Variants in DMD observed in about 807,000 individuals in gnomAD.
The protein encoded by DMD is dystrophin.
A neutral mutation model predicts 330.1 loss-of-function variants in DMD; 63 were observed. The observed-to-expected ratio is 0.19, with a 90% CI of 0.16 to 0.24. The LOEUF (loss-of-function observed/expected upper bound fraction) is 0.24. Ranked by LOEUF, DMD falls within the 10% of genes least tolerant of loss-of-function variation. The pLI is 1.00. For missense variants in DMD, 3,344 were observed against 2,684.1 expected (o/e 1.25, Z -5.43); for synonymous variants, 1,223 against 959.8 (o/e 1.27, Z -5.07).
chrX:31,146,131 T>G (rs2036663235), intron 76 of DMD, among the ~76,000 whole-genome samples, 160 bp downstream of exon 76: 1 of 112,881 alleles, frequency 8.9e-6, no homozygotes, highest in Non-Finnish European at 1.9e-5. Context: ...ATACACCTTT[T>G]TAGAATTTTC....
intron 55 of DMD, among the ~76,000 whole-genome samples, chrX:31,566,121 C>G (rs6527103): frequency 0.18 from 20,302 of 111,000 alleles, 1,765 homozygotes; most frequent in African/African-American, 0.31. Context: ...AATCTTGATG[C>G]AGTCCAACTG....
chrX:31,653,421 G>C (rs1023308279), intron 54 of DMD, among the ~76,000 whole-genome samples: 8 of 110,870 alleles, frequency 7.2e-5, no homozygotes, highest in Non-Finnish European at 1.5e-4. Context: ...TTAGAACCTA[G>C]AGGGATTTTT....
At chrX:32,392,585 C>T (rs1456472082) in intron 30 of DMD, among the ~76,000 whole-genome samples, 1 of 111,534 alleles carries the variant, frequency 9.0e-6, no homozygotes, top group Non-Finnish European at 1.9e-5. Flanking sequence ...CGAAAGAGGG[C>T]TGCAATAATA....
At chrX:31,627,606 A>G in intron 55 of DMD, 67 bp downstream of exon 55, 1 of 1,118,642 alleles carries the variant, frequency 8.9e-7, no homozygotes, top group Non-Finnish European at 1.2e-6. Flanking sequence ...TGTCAGTTAC[A>G]AGTACAAATG....
At chrX:32,208,792 T>C (rs1429272423) in intron 44 of DMD, among the ~76,000 whole-genome samples, 2 of 111,763 alleles carry the variant, frequency 1.8e-5, no homozygotes, top group Middle Eastern at 4.6e-3. Flanking sequence ...TATATGTTTG[T>C]TACATGGGTT....
intron 68 of DMD, among the ~76,000 whole-genome samples, chrX:31,181,470 C>A (rs943942031): frequency 9.0e-6 from 1 of 111,336 alleles, no homozygotes; most frequent in African/African-American, 3.3e-5. Context: ...ATACAAAGCC[C>A]ACTAGCTAAG....
chrX:31,384,309 CACTACTACTACTACTACTACT>C (rs79171547), intron 60 of DMD, among the ~76,000 whole-genome samples: 6 of 91,312 alleles, frequency 6.6e-5, no homozygotes, highest in South Asian at 5.7e-4. Flanking sequence ...TATCCTGCTT[CACTACTACTACTACTACTACT>C]ACTACTACTA....
At chrX:32,522,277 G>A (rs905785808) in intron 17 of DMD, among the ~76,000 whole-genome samples, 5 of 111,653 alleles carry the variant, frequency 4.5e-5, no homozygotes, top group Non-Finnish European at 7.5e-5. Flanking sequence ...CAAAAATACC[G>A]CAATAGCTTT....
intron 63 of DMD, among the ~76,000 whole-genome samples, chrX:31,243,769 G>A (rs961971302): frequency 2.7e-5 from 3 of 112,573 alleles, no homozygotes; most frequent in Non-Finnish European, 5.6e-5. Context: ...TGCATTCCAA[G>A]AAGCTTAGAA....
intron 7 of DMD, among the ~76,000 whole-genome samples, chrX:32,800,743 A>G (rs2076500111): frequency 2.7e-5 from 3 of 109,855 alleles, no homozygotes; most frequent in Non-Finnish European, 5.7e-5. Context: ...GTGATGCTCC[A>G]CTGCATCCAT....
intron 51 of DMD, among the ~76,000 whole-genome samples, chrX:31,744,664 A>C (rs1247836109): frequency 8.9e-6 from 1 of 112,271 alleles, no homozygotes; most frequent in Non-Finnish European, 1.9e-5. Context: ...TGAATAGTGA[A>C]ATGTAACTAT....
intron 60 of DMD, among the ~76,000 whole-genome samples, chrX:31,414,682 A>T (rs1282316285): frequency 8.9e-6 from 1 of 112,324 alleles, no homozygotes; most frequent in Non-Finnish European, 1.9e-5. Flanking sequence ...AAAATGCTGC[A>T]AGTTTACCTA....
chrX:31,947,745 G>A (rs2095106760), intron 45 of DMD, among the ~76,000 whole-genome samples: 1 of 111,458 alleles, frequency 9.0e-6, no homozygotes, highest in Non-Finnish European at 1.9e-5. Context: ...GATGAATTGG[G>A]ATATAAGCAT....
intron 55 of DMD, among the ~76,000 whole-genome samples, chrX:31,518,102 A>C (rs2072418263): frequency 9.0e-6 from 1 of 111,428 alleles, no homozygotes; most frequent in Admixed American, 9.6e-5. Context: ...TATGGGTGCC[A>C]GTTCTAAAGG....
At chrX:31,759,877 A>G (rs2089438094) in intron 51 of DMD, among the ~76,000 whole-genome samples, 1 of 111,456 alleles carries the variant, frequency 9.0e-6, no homozygotes, top group Non-Finnish European at 1.9e-5. Flanking sequence ...AAAGATTTCT[A>G]AAAGATTAAT....
At chrX:32,388,055 A>G (rs866944837) in intron 32 of DMD, among the ~76,000 whole-genome samples, 2 of 111,734 alleles carry the variant, frequency 1.8e-5, no homozygotes, top group Non-Finnish European at 3.8e-5. Context: ...GTAAACAATG[A>G]AAAAACTAAA....
intron 44 of DMD, among the ~76,000 whole-genome samples, chrX:32,165,015 T>C (rs1413449467): frequency 1.8e-5 from 2 of 112,308 alleles, no homozygotes; most frequent in Non-Finnish European, 3.8e-5. Flanking sequence ...AGAGGATGTA[T>C]GGAAACTCCT....
chrX:31,136,852 T>C (rs761459980), intron 76 of DMD, among the ~76,000 whole-genome samples: 308 of 112,359 alleles, frequency 2.7e-3, no homozygotes, highest in African/African-American at 9.4e-3. Context: ...GCTTCTTTGC[T>C]TTAATGGAAA....
Position 32,454,848 on chromosome X carries a change from C to T in DMD, c.3433-16G>A. 8.3e-7 allele frequency: 1 copy of T among 1,203,269 alleles called. No individual in the cohort carries two copies. The highest frequency in any genetic ancestry group is 1.8e-5 in the South Asian group (1 of 56,656). On this transcript the variant is annotated splice_polypyrimidine_tract_variant and intron_variant, in intron 25 of 78. Coordinates refer to ENST00000357033, the MANE Select transcript of DMD (RefSeq NM_004006.3). ...TGGCATAGACCTTCCACAAAACAAA[C>T]AAACAAAACACGATTATTGACAGTG...
Sources: allele counts gnomAD v4.1 joint callset (sites outside exome capture counted in the v4.1 genomes callset), GRCh38; gene constraint gnomAD v4.1.1; transcripts MANE v1.5; gene names NCBI Gene and HGNC (gene_info 2026-07-23, HGNC 2026-07-21).